The following PRKN variants were observed in gnomAD, a reference collection of about 807,000 sequenced individuals.
PRKN encodes the protein E3 ubiquitin-protein ligase parkin.
A neutral mutation model predicts 59.5 loss-of-function variants in PRKN; 56 were observed. That is an observed-to-expected ratio of 0.94 (90% CI 0.76 to 1.18). The LOEUF is 1.18. PRKN is among the 50% of genes most tolerant of loss of function. PRKN has a pLI of 0.00. For synonymous variants in PRKN, 250 were observed against 222.1 expected, an observed-to-expected ratio of 1.13 and a Z score of -1.12; for missense variants, 657 against 596.4, an observed-to-expected ratio of 1.10 and a Z score of -1.06.
Position 161,362,646 on chromosome 6 carries a change from G to T in PRKN, c.1168-2441C>A, listed in dbSNP as rs1325555444. Among the ~76,000 whole-genome samples, 1 of 152,210 alleles carries T rather than the reference G, an allele frequency of 6.6e-6. No individual in the cohort carries two copies. Among genetic ancestry groups the T allele is most frequent in the African/African-American group, 2.4e-5 (1 of 41,454 alleles). On this transcript the variant is annotated intron_variant, in intron 10 of 11. Coordinates refer to ENST00000366898, the MANE Select transcript of PRKN (RefSeq NM_004562.3). This position sits in a 1 kb window ranked among gnomAD's most constrained non-coding sequence, Gnocchi z 5.2. ...CCTCGGACACGAGGGTTGGTGAAAA[G>T]AATTCATCCTATCTGATTAGCTTTA...
chr6:161,464,755 C>A (rs879451017), intron 9 of PRKN, among the ~76,000 whole-genome samples: 5 of 152,232 alleles, frequency 3.3e-5, no homozygotes, highest in Admixed American at 6.5e-5. Flanking sequence ...AAGTAAGTCA[C>A]ACCTCAAATT....
intron 9 of PRKN, among the ~76,000 whole-genome samples, chr6:161,514,789 G>A (rs1008470627): frequency 2.0e-5 from 3 of 152,284 alleles, no homozygotes; most frequent in African/African-American, 7.2e-5. Context: ...TCTGGTTCCA[G>A]GAGGACTGCG....
At chr6:162,370,685 C>T (rs1562708477) in intron 2 of PRKN, among the ~76,000 whole-genome samples, 1 of 152,276 alleles carries the variant, frequency 6.6e-6, no homozygotes, top group East Asian at 1.9e-4. Flanking sequence ...ATTTCTCTGT[C>T]CAACCTATGT....
intron 7 of PRKN, among the ~76,000 whole-genome samples, chr6:161,712,986 T>C (rs959018856): frequency 3.9e-5 from 6 of 152,020 alleles, no homozygotes; most frequent in African/African-American, 7.2e-5. Context: ...ATCCCACAGA[T>C]TGAGGGCTCA....
intron 2 of PRKN, among the ~76,000 whole-genome samples, chr6:162,300,504 T>C (rs1467636359): frequency 6.6e-6 from 1 of 152,182 alleles, no homozygotes; most frequent in African/African-American, 2.4e-5. Flanking sequence ...CTGCGTTTTT[T>C]TTTTCTTTTT....
At chr6:162,370,543 G>A (rs1785708312) in intron 2 of PRKN, among the ~76,000 whole-genome samples, 1 of 152,030 alleles carries the variant, frequency 6.6e-6, no homozygotes, top group Non-Finnish European at 1.5e-5. Context: ...CTAGCATAAT[G>A]GTTACTTTAA....
intron 7 of PRKN, among the ~76,000 whole-genome samples, chr6:161,606,840 C>A (rs1480113964): frequency 6.6e-6 from 1 of 152,172 alleles, no homozygotes; most frequent in Non-Finnish European, 1.5e-5. Context: ...CAGCATCCCA[C>A]CCCCCAGCCT....
At chr6:162,435,136 CTCTG>C (rs1789709951) in intron 2 of PRKN, among the ~76,000 whole-genome samples, 2 of 152,190 alleles carry the variant, frequency 1.3e-5, no homozygotes, top group South Asian at 4.1e-4. Context: ...GGCATCTCTT[CTCTG>C]TCATTTATCA....
At chr6:162,555,936 T>A (rs9347664) in intron 1 of PRKN, among the ~76,000 whole-genome samples, 42,669 of 141,728 alleles carry the variant, frequency 0.3, 6,582 homozygotes, top group East Asian at 0.49. Context: ...GGTTGCGGTG[T>A]GCCGAAATGG....
chr6:162,691,967 G>T (rs1777790107), intron 1 of PRKN, among the ~76,000 whole-genome samples: 1 of 151,474 alleles, frequency 6.6e-6, no homozygotes, highest in African/African-American at 2.4e-5. Context: ...TTTTCAAAAA[G>T]GCCATGTGTC....
Position 161,697,740 on chromosome 6 carries a change from C to T in PRKN, c.871+88032G>A, listed in dbSNP as rs1299713403. On this transcript the variant is annotated intron_variant, in intron 7 of 11. Coordinates refer to ENST00000366898, the MANE Select transcript of PRKN (RefSeq NM_004562.3). ...CATTATCCAGGAAAACTCAATTCAC[C>T]ATGACCTTTAAGTTGAAAATACTCT... is the stretch of plus-strand genomic sequence containing the variant. 2.0e-5 allele frequency among the ~76,000 whole-genome samples: 3 copies of T among 152,234 alleles called. No individual in the cohort carries two copies. In the East Asian group the frequency reaches 5.8e-4, roughly 29 times the overall value.
chr6:162,311,012 C>T (rs949798661), intron 2 of PRKN, among the ~76,000 whole-genome samples: 1 of 152,048 alleles, frequency 6.6e-6, no homozygotes, highest in Non-Finnish European at 1.5e-5. Context: ...ATGACCATAG[C>T]GTTCTTTTTA....
intron 6 of PRKN, among the ~76,000 whole-genome samples, chr6:161,809,897 C>A (rs967764863): frequency 2.0e-5 from 3 of 152,148 alleles, no homozygotes; most frequent in South Asian, 2.1e-4. Flanking sequence ...TGCTCTAAAG[C>A]AATGTGGAAT....
In PRKN at chr6:161,430,542, G is replaced by A. The variant is rs144955030; in HGVS notation, c.1084-43665C>T. On this transcript the variant is annotated intron_variant, in intron 9 of 11. Transcript: ENST00000366898. Reference sequence around the variant, plus strand: ...ATAAGAAATACTGAATGGGCCGGGCGTGGTGGCTCACGCCTGTAATCCAAG... The same window carrying A: ...ATAAGAAATACTGAATGGGCCGGGCATGGTGGCTCACGCCTGTAATCCAAG... Among the ~76,000 whole-genome samples, 853 of 152,292 alleles carry A rather than the reference G, an allele frequency of 5.6e-3. 13 individuals carry two copies. The East Asian group carries it at 0.06, about 11-fold the overall frequency.
At chr6:162,181,506 G>A (rs1461714178) in intron 4 of PRKN, among the ~76,000 whole-genome samples, 3 of 152,094 alleles carry the variant, frequency 2.0e-5, no homozygotes, top group African/African-American at 7.2e-5. Context: ...ACAAGGGAAG[G>A]TAATCAGAAA....
chr6:162,202,768 T>C (rs1784784632), intron 3 of PRKN, among the ~76,000 whole-genome samples: 1 of 152,224 alleles, frequency 6.6e-6, no homozygotes, highest in Non-Finnish European at 1.5e-5. Flanking sequence ...AAGTAAATGT[T>C]AATGGAAATA....
intron 2 of PRKN, among the ~76,000 whole-genome samples, chr6:162,302,627 C>T (rs986532437): frequency 1.3e-5 from 2 of 152,022 alleles, no homozygotes; most frequent in Admixed American, 1.3e-4. Flanking sequence ...AGAATGACCC[C>T]AAGCTCCTAA....
intron 9 of PRKN, among the ~76,000 whole-genome samples, chr6:161,501,365 T>C (rs1332401567): frequency 6.6e-6 from 1 of 152,224 alleles, no homozygotes; most frequent in Non-Finnish European, 1.5e-5. Flanking sequence ...AAATGCCAAA[T>C]GACATATGAT....
At chr6:162,446,148 T>C (rs1035517145) in intron 1 of PRKN, among the ~76,000 whole-genome samples, 2 of 152,136 alleles carry the variant, frequency 1.3e-5, no homozygotes, top group African/African-American at 4.8e-5. Flanking sequence ...AGCCCTGAGG[T>C]ATCTTCACAG....
Sources: allele counts gnomAD v4.1 joint callset (sites outside exome capture counted in the v4.1 genomes callset), GRCh38; gene constraint gnomAD v4.1.1; non-coding constraint Gnocchi (gnomAD v3.1); transcripts MANE v1.5; gene names NCBI Gene and HGNC (gene_info 2026-07-23, HGNC 2026-07-21).